The following MARK3 variants were observed in gnomAD, a reference collection of about 807,000 sequenced individuals.
The protein encoded by MARK3 is microtubule affinity regulating kinase 3.
MARK3 carries 46 observed loss-of-function variants against 90.1 expected under a neutral mutation model. The ratio of observed to expected loss-of-function variants is 0.51; its 90% CI spans 0.40 to 0.65. The LOEUF is 0.65. Ranked by LOEUF, MARK3 falls within the 30% of genes least tolerant of loss-of-function variation. The pLI, the probability that MARK3 is intolerant of heterozygous loss-of-function variation, is 0.00. For missense variants in MARK3, 818 were observed against 947.2 expected (o/e 0.86, Z 1.79); for synonymous variants, 321 against 332.6 (o/e 0.97, Z 0.38).
intron 14 of MARK3, among the ~76,000 whole-genome samples, chr14:103,485,359 G>A (rs1227354380): frequency 1.4e-5 from 2 of 144,446 alleles, no homozygotes; most frequent in African/African-American, 5.2e-5. Context: ...CTGTAGCCTT[G>A]AACTCCTGGG....
chr14:103,470,122 C>T (rs922153755), intron 12 of MARK3, among the ~76,000 whole-genome samples: 2 of 151,708 alleles, frequency 1.3e-5, no homozygotes, highest in Non-Finnish European at 2.9e-5. Context: ...CAGTAACTCT[C>T]ATAATAGACA....
chr14:103,427,954 G>A (rs1427309932), intron 2 of MARK3, among the ~76,000 whole-genome samples: 2 of 152,134 alleles, frequency 1.3e-5, no homozygotes, highest in African/African-American at 4.8e-5. Flanking sequence ...GACTTCCTGG[G>A]AATGCAGCCC....
At chr14:103,479,842 G>T (rs1433122432) in intron 13 of MARK3, among the ~76,000 whole-genome samples, 1 of 152,008 alleles carries the variant, frequency 6.6e-6, no homozygotes. Context: ...TTTTCTCCAT[G>T]TTGGTCAGGC....
Position 103,479,783 on chromosome 14 carries a change from G to T in MARK3, c.1483-604G>T, listed in dbSNP as rs2093786209. ...GGCCTCCTGAGTAGCTGGGATTACA[G>T]GCATGCACCACCACAGCCAGCTAAT... On this transcript the variant is annotated intron_variant, in intron 13 of 17. Transcript: ENST00000429436. Among the ~76,000 whole-genome samples, 7 of 151,940 alleles carry T rather than the reference G, an allele frequency of 4.6e-5. No homozygotes were observed. The South Asian group carries it at 1.5e-3, about 32-fold the overall frequency.
At chr14:103,400,850 G>A (rs1051391478) in intron 1 of MARK3, among the ~76,000 whole-genome samples, 2 of 138,726 alleles carry the variant, frequency 1.4e-5, no homozygotes, top group East Asian at 4.2e-4. Flanking sequence ...AGGTATGATC[G>A]ATCACACTAC....
At chr14:103,489,846 G>A (rs1271894247) in intron 14 of MARK3, 1 of 152,146 alleles carries the variant, frequency 6.6e-6, no homozygotes, top group African/African-American at 2.4e-5. Flanking sequence ...AGTTTTGTCC[G>A]GTAACTGTGT....
In MARK3 at chr14:103,415,024, C is replaced by T. The variant is rs182382315; in HGVS notation, c.243+9757C>T. ...AAAAATAGCCGGGGATGGTGGTGTGCGCCTGTAGTCCCAGCTACTCGGGAG... is the reference window on the plus strand; with the variant it reads ...AAAAATAGCCGGGGATGGTGGTGTGTGCCTGTAGTCCCAGCTACTCGGGAG... On this transcript the variant is annotated intron_variant, in intron 2 of 17. Transcript: ENST00000429436. Among the ~76,000 whole-genome samples the T allele has an allele frequency of 5.7e-4, 86 of 151,652 alleles. 1 individual carries two copies. In the East Asian group the frequency reaches 0.013, roughly 23 times the overall value.
At chr14:103,467,372 T>C (rs1462998036) in intron 11 of MARK3, 181 bp downstream of exon 11, 2 of 387,008 alleles carry the variant, frequency 5.2e-6, no homozygotes, top group African/African-American at 4.2e-5. Flanking sequence ...TAACCCTTAA[T>C]GATGGATATT....
At chr14:103,406,293 C>T (rs534542531) in intron 2 of MARK3, among the ~76,000 whole-genome samples, 6 of 152,078 alleles carry the variant, frequency 3.9e-5, no homozygotes, top group Admixed American at 2.0e-4. Flanking sequence ...GGCATGGTCT[C>T]GGCTCTCTGC....
At chr14:103,486,330 T>G (rs2093928843) in intron 14 of MARK3, among the ~76,000 whole-genome samples, 2 of 151,902 alleles carry the variant, frequency 1.3e-5, no homozygotes, top group Admixed American at 6.6e-5. Context: ...TCCCAGCTAT[T>G]TGGGAGGCTG....
intron 2 of MARK3, among the ~76,000 whole-genome samples, chr14:103,416,833 A>G (rs2091963306): frequency 6.6e-6 from 1 of 152,164 alleles, no homozygotes; most frequent in African/African-American, 2.4e-5. Flanking sequence ...TGCCGGCATC[A>G]GTGCAGGTGA....
At chr14:103,483,837 T>C (rs1347932368) in intron 14 of MARK3, among the ~76,000 whole-genome samples, 1 of 152,248 alleles carries the variant, frequency 6.6e-6, no homozygotes, top group African/African-American at 2.4e-5. Context: ...ACACCTTCAA[T>C]TGTATGATTC....
At position 103,393,653 on chromosome 14, in the gene MARK3, G is replaced by A. The variant is rs1408604687; in HGVS notation, c.51+7573G>A. 1.3e-5 allele frequency among the ~76,000 whole-genome samples: 2 copies of A among 152,048 alleles called. 1 individual carries two copies. The highest frequency in any genetic ancestry group is 2.9e-5 in the Non-Finnish European group (2 of 68,020). The stretch of plus-strand genomic sequence containing the variant: ...GATATATACATTGTATAACTATTTA[G>A]ACTTACATGGTGCATGATTTACATT... On this transcript the variant is annotated intron_variant, in intron 1 of 17. Transcript: ENST00000429436.
intron 12 of MARK3, among the ~76,000 whole-genome samples, chr14:103,473,231 C>CGT (rs1319256390): frequency 6.6e-6 from 1 of 152,148 alleles, no homozygotes; most frequent in Non-Finnish European, 1.5e-5. Context: ...GGGTAGTCTA[C>CGT]AGGGTCTTTG....
At chr14:103,481,373 AGTTACGGTGTGAG>A (rs1280911895) in intron 14 of MARK3, among the ~76,000 whole-genome samples, 66 of 152,224 alleles carry the variant, frequency 4.3e-4, no homozygotes, top group Admixed American at 4.3e-3. Context: ...TACTTTCTGC[AGTTACGGTGTGAG>A]GTTCTGTTTC....
chr14:103,398,468 C>CG (rs2090730630), intron 1 of MARK3, among the ~76,000 whole-genome samples: 1 of 151,930 alleles, frequency 6.6e-6, no homozygotes, highest in African/African-American at 2.4e-5. Context: ...TTGTTTTTTG[C>CG]GGGGGTTGGT....
At chr14:103,494,350 G>C (rs1268216832) in intron 15 of MARK3, among the ~76,000 whole-genome samples, 2 of 151,208 alleles carry the variant, frequency 1.3e-5, no homozygotes, top group Admixed American at 1.3e-4. Context: ...TCGGGAATTT[G>C]AGACCATCCT....
chr14:103,442,204 T>TA (rs1206037590), intron 3 of MARK3, among the ~76,000 whole-genome samples: 2 of 151,916 alleles, frequency 1.3e-5, no homozygotes, highest in East Asian at 1.9e-4. Context: ...CCGTCTCTAC[T>TA]AAAAAATACA....
chr14:103,407,938 G>A (rs1595512544), intron 2 of MARK3, among the ~76,000 whole-genome samples: 2 of 152,136 alleles, frequency 1.3e-5, no homozygotes, highest in African/African-American at 4.8e-5. Context: ...TCTGTTTAGG[G>A]AACATTTCTG....
Sources: allele counts gnomAD v4.1 joint callset (sites outside exome capture counted in the v4.1 genomes callset), GRCh38; gene constraint gnomAD v4.1.1; transcripts MANE v1.5; gene names NCBI Gene and HGNC (gene_info 2026-07-23, HGNC 2026-07-21).